Variants in SMARCA2 observed in about 807,000 individuals in gnomAD.
SMARCA2 encodes the protein SWI/SNF related BAF chromatin remodeling complex subunit ATPase 2.
SMARCA2 carries 61 observed loss-of-function variants against 199.8 expected under a neutral mutation model. The observed-to-expected ratio is 0.31, with a 90% CI of 0.25 to 0.38. SMARCA2 has a LOEUF of 0.38. SMARCA2 is among the 10% of genes least tolerant of loss of function. The pLI is 1.00. For synonymous variants in SMARCA2, 935 were observed against 732.0 expected, an observed-to-expected ratio of 1.28 and a Z score of -4.48; for missense variants, 1,344 against 2,012.2, an observed-to-expected ratio of 0.67 and a Z score of 6.35.
At chr9:2,146,283 CCCCA>C (rs1365150052) in intron 27 of SMARCA2, among the ~76,000 whole-genome samples, 2 of 152,092 alleles carry the variant, frequency 1.3e-5, no homozygotes, top group African/African-American at 4.8e-5. Flanking sequence ...CTCCCAAAGG[CCCCA>C]CCTCCTAATA....
intron 3 of SMARCA2, among the ~76,000 whole-genome samples, chr9:2,036,233 G>C (rs865848279): frequency 1.1e-4 from 16 of 151,962 alleles, no homozygotes; most frequent in African/African-American, 3.9e-4. Context: ...GAAAATTCAT[G>C]TAGAATTGGC....
chr9:2,173,181 C>G (rs1291056676), intron 29 of SMARCA2, among the ~76,000 whole-genome samples: 1 of 152,072 alleles, frequency 6.6e-6, no homozygotes, highest in Non-Finnish European at 1.5e-5. Flanking sequence ...TGTGAAGGCA[C>G]TTGTATGTAT....
intron 6 of SMARCA2, 63 bp downstream of exon 6, chr9:2,054,786 T>C: frequency 6.5e-7 from 1 of 1,544,460 alleles, no homozygotes; most frequent in Admixed American, 1.7e-5. Context: ...CCTAAAGTGT[T>C]ATCTGTGTTG....
rs1243149775 is a variant in SMARCA2 at position 2,056,679 on chromosome 9, A to G, written c.1181A>G (p.Gln394Arg). ...CTGCTCTCTTCTTGACAGCTGAGAC[A>G]GGAGGTGGTGGCCTGCATGCGCAGG... The part of the protein sequence containing the change: ...RLLNFQRQLR[Q>R]EVVACMRRDT... The change falls in exon 7 of 34, where the codon CAG becomes CGG. Residue 394 changes from glutamine (Q) to arginine (R), a missense_variant. Transcript: ENST00000349721. This position sits in a 1 kb window ranked among gnomAD's most constrained non-coding sequence, Gnocchi z 4.0. 3.1e-6 allele frequency: 5 copies of G among 1,613,438 alleles called. No homozygotes were observed. Among genetic ancestry groups the G allele is most frequent in the Non-Finnish European group, 4.2e-6 (5 of 1,179,744 alleles).
intron 27 of SMARCA2, among the ~76,000 whole-genome samples, chr9:2,128,302 C>A (rs1055089295): frequency 3.3e-5 from 5 of 152,214 alleles, no homozygotes; most frequent in African/African-American, 1.2e-4. Context: ...TCATCTCATT[C>A]TTTTAGAGAC....
At chr9:2,175,814 C>T (rs1826542024) in intron 29 of SMARCA2, among the ~76,000 whole-genome samples, 1 of 151,802 alleles carries the variant, frequency 6.6e-6, no homozygotes, top group African/African-American at 2.4e-5. Context: ...TTTTTAAATC[C>T]TTGTTGAGGT....
intron 27 of SMARCA2, chr9:2,158,988 TTGTG>T: frequency 6.2e-7 from 1 of 1,612,060 alleles, no homozygotes; most frequent in South Asian, 1.1e-5. Flanking sequence ...GGTCAGTACT[TTGTG>T]TGTTTCCTTG....
At chr9:2,053,130 T>G (rs982513011) in intron 5 of SMARCA2, among the ~76,000 whole-genome samples, 2 of 152,048 alleles carry the variant, frequency 1.3e-5, no homozygotes, top group Non-Finnish European at 2.9e-5. Flanking sequence ...GCTCCCTCCC[T>G]CCCCCGTCTA....
intron 33 of SMARCA2, 140 bp downstream of exon 33, chr9:2,191,548 G>A: frequency 1.1e-6 from 1 of 919,106 alleles, no homozygotes; most frequent in Admixed American, 2.3e-5. Flanking sequence ...TTTCATTATT[G>A]AGGGATGTGA....
chr9:2,142,247 T>TAA (rs570353010), intron 27 of SMARCA2, among the ~76,000 whole-genome samples: 2 of 152,336 alleles, frequency 1.3e-5, no homozygotes, highest in African/African-American at 4.8e-5. Flanking sequence ...ACATCAAATT[T>TAA]AAAGTTTTTA....
intron 23 of SMARCA2, among the ~76,000 whole-genome samples, chr9:2,109,483 T>C (rs1489252904): frequency 6.6e-6 from 1 of 152,214 alleles, no homozygotes; most frequent in Non-Finnish European, 1.5e-5. Context: ...TGTCTGCTTA[T>C]TCACTATTTT....
At chr9:2,141,300 C>G (rs1824449647) in intron 27 of SMARCA2, among the ~76,000 whole-genome samples, 1 of 152,158 alleles carries the variant, frequency 6.6e-6, no homozygotes, top group African/African-American at 2.4e-5. Flanking sequence ...TATTATTTCT[C>G]CCATTCTGCA....
chr9:2,175,633 T>C (rs1198223577), intron 29 of SMARCA2, among the ~76,000 whole-genome samples: 1 of 152,218 alleles, frequency 6.6e-6, no homozygotes, highest in African/African-American at 2.4e-5. Flanking sequence ...ACTTATGGCA[T>C]GTTTTCAATG....
intron 15 of SMARCA2, among the ~76,000 whole-genome samples, chr9:2,082,517 A>T (rs1234736119): frequency 1.3e-5 from 2 of 152,178 alleles, no homozygotes; most frequent in East Asian, 3.9e-4. Flanking sequence ...CTTAGTAAGG[A>T]CAGGAGTTTG....
chr9:2,185,982 G>A lies in SMARCA2; in HGVS notation c.4462-114G>A, dbSNP rs118043700. 3.1e-5 allele frequency: 32 copies of A among 1,033,886 alleles called. No individual in the cohort carries two copies. The Middle Eastern group carries it at 6.4e-4, about 21-fold the overall frequency. 64.0% of individuals were successfully genotyped at this position (1,033,886 alleles called of 1,614,324 possible). A position where few individuals can be genotyped will look rare whatever the true frequency, so the allele number is the denominator to read the frequency against. On this transcript the variant is annotated intron_variant, in intron 31 of 33. Transcript: ENST00000349721. The stretch of plus-strand genomic sequence containing the variant: ...TTTTCATGTGGGCATAAAAGCTAAC[G>A]GTGACATTTCTACTAAAATTCATGT...
At chr9:2,106,705 T>C (rs10757167) in intron 23 of SMARCA2, among the ~76,000 whole-genome samples, 32,213 of 152,168 alleles carry the variant, frequency 0.21, 4,329 homozygotes, top group African/African-American at 0.38. Flanking sequence ...TGATGAGAGC[T>C]AAGCAGAAAT....
intron 27 of SMARCA2, among the ~76,000 whole-genome samples, chr9:2,151,562 T>C (rs1181242850): frequency 6.6e-6 from 1 of 151,842 alleles, no homozygotes; most frequent in Non-Finnish European, 1.5e-5. Flanking sequence ...TGAAACCCCG[T>C]CTTTACTAAA....
chr9:2,157,416 C>T (rs927298996), intron 27 of SMARCA2, among the ~76,000 whole-genome samples: 2 of 152,230 alleles, frequency 1.3e-5, no homozygotes, highest in African/African-American at 4.8e-5. Context: ...TATAACCCCA[C>T]CCCCATGCCC....
At position 2,161,550 on chromosome 9, in the gene SMARCA2, G is replaced by T; in HGVS notation, c.3982-136G>T. On this transcript the variant is annotated intron_variant, in intron 27 of 33. Transcript: ENST00000349721. This position sits in a 1 kb window ranked among gnomAD's most constrained non-coding sequence, Gnocchi z 4.7. The stretch of plus-strand genomic sequence containing the variant: ...TTTTCTTCTTCCTCCACTGATTACT[G>T]TTAACTTTTACTTTTTTTTGGTTAA... 1.6e-6 allele frequency: 1 copy of T among 637,748 alleles called. No homozygotes were observed. The highest frequency in any genetic ancestry group is 2.7e-6 in the Non-Finnish European group (1 of 368,166). 39.5% of individuals were successfully genotyped at this position (637,748 alleles called of 1,614,324 possible). A position where few individuals can be genotyped will look rare whatever the true frequency, so the allele number is the denominator to read the frequency against.
Sources: allele counts gnomAD v4.1 joint callset (sites outside exome capture counted in the v4.1 genomes callset), GRCh38; gene constraint gnomAD v4.1.1; non-coding constraint Gnocchi (gnomAD v3.1); transcripts MANE v1.5; gene names NCBI Gene and HGNC (gene_info 2026-07-23, HGNC 2026-07-21).